Variants in FBXW4 observed in about 807,000 individuals in gnomAD.
FBXW4 encodes F-box/WD repeat-containing protein 4.
In FBXW4, 40 loss-of-function variants were observed where a neutral mutation model predicts 61.8. The observed-to-expected ratio is 0.65, with a 90% CI of 0.50 to 0.84. The LOEUF (loss-of-function observed/expected upper bound fraction) is 0.84, where lower values mean the gene tolerates loss of function less well. Ranked by LOEUF, FBXW4 falls within the 40% of genes least tolerant of loss-of-function variation. The pLI is 0.00. For missense variants in FBXW4, 672 were observed against 753.8 expected (o/e 0.89, Z 1.27); for synonymous variants, 311 against 313.8 (o/e 0.99, Z 0.10).
At position 101,624,749 on chromosome 10, in the gene FBXW4, T is replaced by G. The variant is rs2063894262; in HGVS notation, c.1297A>C (p.Asn433His). The G allele has an allele frequency of 1.2e-6, 2 of 1,614,052 alleles. No individual in the cohort carries two copies. The highest frequency in any genetic ancestry group is 1.7e-6 in the Non-Finnish European group (2 of 1,180,032). The change falls in exon 6 of 9, where the codon AAC (asparagine) becomes CAC (histidine). Residue 433 changes from asparagine (N) to histidine (H), a missense_variant. Around this residue, in one of 5 missense-constraint regions of FBXW4, gnomAD observed 312 missense variants for 370.1 expected, o/e 0.84. Coordinates refer to ENST00000331272, the MANE Select transcript of FBXW4 (RefSeq NM_022039.4). ...ATGGGCTCATGAATCTCTTACCTGT[T>G]GAGGTCCCAGATTCTCAGGGGTGAG... is the stretch of plus-strand genomic sequence containing the variant. ...HFSPLRIWDL[N>H]SGQLMTHLGS...
chr10:101,672,411 T>C (rs540944231), intron 4 of FBXW4, among the ~76,000 whole-genome samples: 41 of 152,304 alleles, frequency 2.7e-4, no homozygotes, highest in Admixed American at 4.6e-4. Context: ...TTGGCAAAGA[T>C]GCAACAAACA....
chr10:101,676,337 T>C lies in FBXW4; in HGVS notation c.821+4A>G. 1 of 1,612,304 alleles carries C rather than the reference T, an allele frequency of 6.2e-7. No homozygotes were observed. ...AGCTTTTAAAAAGTCAAGAGGCTACTTGCCTGCATCTCCACTTCAGCAGAA... is the reference window on the plus strand; with the variant it reads ...AGCTTTTAAAAAGTCAAGAGGCTACCTGCCTGCATCTCCACTTCAGCAGAA... On this transcript the variant is annotated splice_donor_region_variant and intron_variant, in intron 2 of 8. Transcript: ENST00000331272.
rs115995973 is a variant in FBXW4, at chr10:101,652,133, A to G, written c.1235+15753T>C. 8.7e-3 allele frequency among the ~76,000 whole-genome samples: 1,317 copies of G among 151,106 alleles called. 22 individuals are homozygous for G. The highest frequency in any genetic ancestry group is 0.03 in the African/African-American group (1,236 of 41,080). Reference sequence around the variant, plus strand: ...CGCTTCTCCTCACTCCGCCCTCCTCACCACCAGCTTCAAACACAAATGACA... The same window carrying G: ...CGCTTCTCCTCACTCCGCCCTCCTCGCCACCAGCTTCAAACACAAATGACA... On this transcript the variant is annotated intron_variant, in intron 5 of 8. Coordinates refer to ENST00000331272, the MANE Select transcript of FBXW4 (RefSeq NM_022039.4).
chr10:101,677,853 T>A (rs975612539), intron 1 of FBXW4, among the ~76,000 whole-genome samples: 1 of 151,064 alleles, frequency 6.6e-6, no homozygotes, highest in African/African-American at 2.4e-5. Context: ...TACTCAAATA[T>A]AAATTCACTG....
intron 1 of FBXW4, among the ~76,000 whole-genome samples, chr10:101,683,945 T>C (rs1018482873): frequency 6.6e-6 from 1 of 152,190 alleles, no homozygotes; most frequent in Admixed American, 6.5e-5. Context: ...TGCTTGGGGC[T>C]TGGAATTTTA....
chr10:101,678,717 C>T (rs538143914), intron 1 of FBXW4, among the ~76,000 whole-genome samples: 4 of 152,250 alleles, frequency 2.6e-5, no homozygotes, highest in Admixed American at 6.5e-5. Context: ...CATGAGCCAC[C>T]GCGCCCGGCG....
chr10:101,684,209 C>T (rs1398134700), intron 1 of FBXW4, among the ~76,000 whole-genome samples: 4 of 152,216 alleles, frequency 2.6e-5, no homozygotes, highest in South Asian at 2.1e-4. Context: ...CTGCAACCTC[C>T]GCCTCCCAGG....
chr10:101,641,974 C>T (rs1269480906), intron 5 of FBXW4, among the ~76,000 whole-genome samples: 1 of 151,736 alleles, frequency 6.6e-6, no homozygotes, highest in African/African-American at 2.4e-5. Flanking sequence ...TGAGACCAGC[C>T]TTATCAACAT....
intron 4 of FBXW4, among the ~76,000 whole-genome samples, chr10:101,672,387 G>C (rs763607223): frequency 6.6e-6 from 1 of 152,174 alleles, no homozygotes; most frequent in South Asian, 2.1e-4. Context: ...GTGGATATCT[G>C]TGGACCGGGC....
At chr10:101,636,334 G>C (rs1213453955) in intron 5 of FBXW4, among the ~76,000 whole-genome samples, 1 of 151,092 alleles carries the variant, frequency 6.6e-6, no homozygotes, top group Non-Finnish European at 1.5e-5. Context: ...CTCCAGCCTG[G>C]GTGAGAGAGC....
At chr10:101,653,536 C>G (rs560311374) in intron 5 of FBXW4, among the ~76,000 whole-genome samples, 1 of 152,298 alleles carries the variant, frequency 6.6e-6, no homozygotes, top group South Asian at 2.1e-4. Context: ...GCTTGAAGTT[C>G]CCTTATGCAA....
intron 5 of FBXW4, among the ~76,000 whole-genome samples, chr10:101,657,995 C>A (rs1376996247): frequency 6.6e-6 from 1 of 152,202 alleles, no homozygotes; most frequent in Admixed American, 6.5e-5. Context: ...TTCCCTAGCT[C>A]TTAATCCCAA....
chr10:101,632,259 G>T (rs1158568159), intron 5 of FBXW4, among the ~76,000 whole-genome samples: 2 of 151,850 alleles, frequency 1.3e-5, no homozygotes, highest in Non-Finnish European at 2.9e-5. Flanking sequence ...AGTGCATCAG[G>T]GCAGGATGGT....
chr10:101,637,699 CAAAAAAAA>C (rs34463792), intron 5 of FBXW4, among the ~76,000 whole-genome samples: 2 of 82,050 alleles, frequency 2.4e-5, no homozygotes, highest in Admixed American at 1.4e-4. Flanking sequence ...GATCCTGTCT[CAAAAAAAA>C]AAAAAAAAAA....
intron 2 of FBXW4, 41 bp from the exon 3 acceptor site, chr10:101,673,714 C>T: frequency 1.3e-6 from 2 of 1,590,984 alleles, no homozygotes; most frequent in Non-Finnish European, 1.7e-6. Flanking sequence ...CATCAAGATA[C>T]AGTATGAAAA....
intron 5 of FBXW4, chr10:101,625,612 T>G (rs891374567): frequency 6.6e-6 from 1 of 152,218 alleles, no homozygotes; most frequent in African/African-American, 2.4e-5. Context: ...AAGCCTGGTA[T>G]AAAGGATCCA....
chr10:101,661,627 G>A (rs1357902459), intron 5 of FBXW4, among the ~76,000 whole-genome samples: 3 of 152,080 alleles, frequency 2.0e-5, no homozygotes, highest in African/African-American at 7.2e-5. Context: ...AGCCATGCCA[G>A]CCCTGGGCCC....
At chr10:101,660,037 T>C (rs1029740399) in intron 5 of FBXW4, 1 of 967,952 alleles carries the variant, frequency 1.0e-6, no homozygotes, top group African/African-American at 1.8e-5. Context: ...ATCACTTGAA[T>C]GGACTGCACC....
At chr10:101,652,612 G>A (rs768593857) in intron 5 of FBXW4, among the ~76,000 whole-genome samples, 160 of 152,140 alleles carry the variant, frequency 1.1e-3, no homozygotes, top group Non-Finnish European at 2.0e-3. Flanking sequence ...AGAAAAAAAA[G>A]GCAAATTTAT....
Sources: gnomAD v4.1 joint callset for allele counts (sites outside exome capture counted in the v4.1 genomes callset) on GRCh38, gnomAD v4.1.1 for gene constraint, gnomAD v4.1.1 regional missense constraint, MANE v1.5 for transcripts, NCBI Gene and HGNC (gene_info 2026-07-23, HGNC 2026-07-21) for gene names.